The following RIMS2 variants were observed in gnomAD, a reference collection of about 807,000 sequenced individuals.
The protein encoded by RIMS2 is regulating synaptic membrane exocytosis protein 2.
In RIMS2, 59 loss-of-function variants were observed where a neutral mutation model predicts 174.4. The observed-to-expected ratio is 0.34, with a 90% CI of 0.27 to 0.42. RIMS2 has a LOEUF of 0.42. Among genes scored for constraint, RIMS2 ranks in the 10% least tolerant of loss-of-function variants. RIMS2 has a pLI of 1.00. For synonymous variants in RIMS2, 606 were observed against 572.5 expected (o/e 1.06, Z -0.84); for missense variants, 1,620 against 1,666.3 (o/e 0.97, Z 0.48).
intron 19 of RIMS2, among the ~76,000 whole-genome samples, chr8:104,042,883 G>T (rs183395086): frequency 1.3e-5 from 2 of 151,652 alleles, no homozygotes; most frequent in East Asian, 3.9e-4. Context: ...AGTAGCATAT[G>T]AAGAGTAATA....
chr8:103,510,910 T>C (rs1006225538), intron 1 of RIMS2, among the ~76,000 whole-genome samples: 3 of 152,198 alleles, frequency 2.0e-5, no homozygotes, highest in Non-Finnish European at 4.4e-5. Flanking sequence ...GACATTCCTC[T>C]AAAGAGTGCC....
At chr8:103,903,601 G>T (rs2073719276) in intron 4 of RIMS2, among the ~76,000 whole-genome samples, 1 of 152,044 alleles carries the variant, frequency 6.6e-6, no homozygotes, top group African/African-American at 2.4e-5. Flanking sequence ...TTAGTCAAAG[G>T]TTCAAATTTT....
At position 103,940,023 on chromosome 8, in the gene RIMS2, C is replaced by T. The variant is rs578061096; in HGVS notation, c.2548-2750C>T. ...TCCAAACTTTCCTACATTTTCCTGT[C>T]TTCTGAGCCCTCCAAACTGTTCCAA... On this transcript the variant is annotated intron_variant, in intron 13 of 23. Coordinates refer to ENST00000504942, the Ensembl canonical transcript of RIMS2. Among the ~76,000 whole-genome samples the T allele has an allele frequency of 2.8e-3, 422 of 152,314 alleles. 5 individuals carry two copies. Among genetic ancestry groups the T allele is most frequent in the Non-Finnish European group, 4.4e-3 (302 of 68,022 alleles).
intron 2 of RIMS2, among the ~76,000 whole-genome samples, chr8:103,714,684 G>C (rs936476274): frequency 6.6e-6 from 1 of 152,088 alleles, no homozygotes; most frequent in African/African-American, 2.4e-5. Flanking sequence ...ATGATGCCAC[G>C]ATAAGAGGAA....
intron 1 of RIMS2, among the ~76,000 whole-genome samples, chr8:103,617,100 G>A (rs770640435): frequency 2.6e-5 from 4 of 152,092 alleles, no homozygotes; most frequent in Admixed American, 1.3e-4. Flanking sequence ...GCAGCATCAC[G>A]TTACCCAACT....
intron 19 of RIMS2, among the ~76,000 whole-genome samples, chr8:104,163,871 G>A (rs1028430244): frequency 6.6e-6 from 1 of 152,062 alleles, no homozygotes; most frequent in African/African-American, 2.4e-5. Context: ...TTGAGATGGG[G>A]AAATGTTCTG....
chr8:103,752,266 T>G (rs1426467212), intron 2 of RIMS2, among the ~76,000 whole-genome samples: 1 of 152,146 alleles, frequency 6.6e-6, no homozygotes, highest in Non-Finnish European at 1.5e-5. Flanking sequence ...GTTGTAGATA[T>G]GCAGCGTTAT....
intron 3 of RIMS2, among the ~76,000 whole-genome samples, chr8:103,796,649 C>G (rs948686461): frequency 3.7e-4 from 57 of 152,072 alleles, no homozygotes; most frequent in Non-Finnish European, 7.5e-4. Flanking sequence ...ATCTAGAATT[C>G]TATTCTAGCT....
chr8:103,748,806 C>CT (rs796641343), intron 2 of RIMS2, among the ~76,000 whole-genome samples: 1,961 of 147,178 alleles, frequency 0.013, 44 homozygotes, highest in African/African-American at 0.04. Flanking sequence ...ATACATTCTA[C>CT]TTTTTTTTTT....
intron 3 of RIMS2, among the ~76,000 whole-genome samples, chr8:103,773,430 C>A (rs2098275263): frequency 6.6e-6 from 1 of 152,074 alleles, no homozygotes; most frequent in South Asian, 2.1e-4. Context: ...TTGAGAAATG[C>A]AAATCAAGAC....
intron 19 of RIMS2, among the ~76,000 whole-genome samples, chr8:104,082,202 AAG>A (rs2097432909): frequency 6.6e-6 from 1 of 152,120 alleles, no homozygotes; most frequent in South Asian, 2.1e-4. Flanking sequence ...AAAGGGGATG[AAG>A]AGAGGGGAAA....
intron 3 of RIMS2, among the ~76,000 whole-genome samples, chr8:103,823,342 CAAGT>C (rs1351652015): frequency 6.6e-6 from 1 of 151,542 alleles, no homozygotes; most frequent in Non-Finnish European, 1.5e-5. Context: ...TTTTCAATTG[CAAGT>C]AAGATAACCA....
intron 1 of RIMS2, among the ~76,000 whole-genome samples, chr8:103,578,600 T>A (rs183814130): frequency 6.6e-6 from 1 of 151,822 alleles, no homozygotes; most frequent in East Asian, 1.9e-4. Flanking sequence ...ATAAAGGAGC[T>A]CCATTTTGTC....
intron 19 of RIMS2, among the ~76,000 whole-genome samples, chr8:104,163,528 CAAA>C: frequency 6.6e-6 from 1 of 152,124 alleles, no homozygotes; most frequent in Admixed American, 6.6e-5. Flanking sequence ...TTTCTGTCCA[CAAA>C]GACAAATGAC....
At chr8:103,894,911 G>A (rs906167307) in intron 4 of RIMS2, among the ~76,000 whole-genome samples, 1 of 151,318 alleles carries the variant, frequency 6.6e-6, no homozygotes, top group Non-Finnish European at 1.5e-5. Flanking sequence ...GTTCATTTTC[G>A]ATAAAGTTAT....
chr8:103,910,014 T>A (rs2075341106), intron 4 of RIMS2: 2 of 574,612 alleles, frequency 3.5e-6, no homozygotes, highest in Non-Finnish European at 3.2e-6. Context: ...ATATAGTGAG[T>A]GCTACAGACA....
chr8:104,057,837 C>A (rs1000558531), intron 19 of RIMS2, among the ~76,000 whole-genome samples: 4 of 149,950 alleles, frequency 2.7e-5, no homozygotes, highest in Non-Finnish European at 4.4e-5. Context: ...TTTGTCCTTG[C>A]GATAGTTTAC....
chr8:104,188,966 A>G (rs1359290750), intron 19 of RIMS2, among the ~76,000 whole-genome samples: 1 of 151,952 alleles, frequency 6.6e-6, no homozygotes, highest in Admixed American at 6.6e-5. Context: ...AGGCTCACCA[A>G]TGTCTACAAA....
At chr8:103,825,446 ATTTTTTT>A (rs35460743) in intron 3 of RIMS2, among the ~76,000 whole-genome samples, 1 of 131,850 alleles carries the variant, frequency 7.6e-6, no homozygotes, top group Non-Finnish European at 1.6e-5. Context: ...TGGCTAGCTA[ATTTTTTT>A]TTTTTTTTTT....
Sources: gnomAD v4.1 joint callset for allele counts (sites outside exome capture counted in the v4.1 genomes callset) on GRCh38, gnomAD v4.1.1 for gene constraint, MANE v1.5 for transcripts, NCBI Gene and HGNC (gene_info 2026-07-23, HGNC 2026-07-21) for gene names.